The following CDH4 variants were observed in gnomAD, a reference collection of about 807,000 sequenced individuals.
The protein encoded by CDH4 is cadherin 4.
CDH4 carries 33 observed loss-of-function variants against 86.0 expected under a neutral mutation model. That is an observed-to-expected ratio of 0.38 (90% confidence interval 0.29 to 0.51). The LOEUF (loss-of-function observed/expected upper bound fraction) is 0.51, where lower values mean the gene tolerates loss of function less well. Ranked by LOEUF, CDH4 falls within the 20% of genes least tolerant of loss-of-function variation. The pLI, the probability that CDH4 is intolerant of heterozygous loss-of-function variation, is 0.86. For synonymous variants in CDH4, 555 were observed against 549.4 expected (o/e 1.01, Z -0.14); for missense variants, 1,114 against 1,307.4 (o/e 0.85, Z 2.28).
At chr20:61,633,215 CTTCA>C (rs1211484054) in intron 2 of CDH4, among the ~76,000 whole-genome samples, 7 of 150,888 alleles carry the variant, frequency 4.6e-5, no homozygotes, top group Admixed American at 1.3e-4. Context: ...CCTTCCATCT[CTTCA>C]TTCATTCATT....
chr20:61,452,838 A>C (rs1011272014), intron 2 of CDH4, among the ~76,000 whole-genome samples: 1 of 152,200 alleles, frequency 6.6e-6, no homozygotes, highest in Non-Finnish European at 1.5e-5. Context: ...AGTGAGACAA[A>C]AACAGAAAAC....
intron 2 of CDH4, among the ~76,000 whole-genome samples, chr20:61,528,325 C>G (rs1234786506): frequency 6.9e-6 from 1 of 145,416 alleles, no homozygotes; most frequent in Non-Finnish European, 1.5e-5. Context: ...TGCAGTGAGC[C>G]GAGATCATGC....
intron 2 of CDH4, among the ~76,000 whole-genome samples, chr20:61,289,707 C>G (rs1330926461): frequency 6.7e-6 from 1 of 149,916 alleles, no homozygotes; most frequent in Non-Finnish European, 1.5e-5. Context: ...TCCAACGAGA[C>G]TTGCTGGGTT....
chr20:61,556,884 C>T (rs868465846), intron 2 of CDH4, among the ~76,000 whole-genome samples: 14 of 152,168 alleles, frequency 9.2e-5, no homozygotes, highest in East Asian at 5.8e-4. Context: ...ACCGAGAACA[C>T]GTGAGGCGCC....
chr20:61,413,392 T>C (rs1045323421), intron 2 of CDH4, among the ~76,000 whole-genome samples: 3 of 152,172 alleles, frequency 2.0e-5, no homozygotes, highest in African/African-American at 7.2e-5. Flanking sequence ...GTTCCAAGGC[T>C]GCGTGAGTGG....
intron 5 of CDH4, among the ~76,000 whole-genome samples, chr20:61,847,324 G>A (rs763021191): frequency 2.0e-5 from 3 of 152,226 alleles, no homozygotes; most frequent in Non-Finnish European, 4.4e-5. Context: ...ACCCAGCCTG[G>A]GAGTTCTGCC....
At chr20:61,852,025 G>A (rs912382885) in intron 5 of CDH4, among the ~76,000 whole-genome samples, 3 of 152,222 alleles carry the variant, frequency 2.0e-5, no homozygotes, top group Non-Finnish European at 2.9e-5. Flanking sequence ...AGCTCCTGCG[G>A]AACCTTCCAG....
intron 2 of CDH4, among the ~76,000 whole-genome samples, chr20:61,614,331 T>G (rs2145763942): frequency 6.6e-6 from 1 of 152,232 alleles, no homozygotes; most frequent in African/African-American, 2.4e-5. Context: ...GATACAGAGC[T>G]TTCAGGCTGT....
Position 61,902,129 on chromosome 20 carries a change from G to C in CDH4, c.1188+7082G>C, listed in dbSNP as rs959214601. Among the ~76,000 whole-genome samples the C allele has an allele frequency of 2.0e-5, 3 of 152,210 alleles. No individual in the cohort carries two copies. The highest frequency in any genetic ancestry group is 2.9e-5 in the Non-Finnish European group (2 of 68,044). On this transcript the variant is annotated intron_variant, in intron 8 of 15. Coordinates refer to ENST00000614565, the MANE Select transcript of CDH4 (RefSeq NM_001794.5). This position sits in a 1 kb window ranked among gnomAD's most constrained non-coding sequence, Gnocchi z 4.6. ...AGCAACTGATGGAAATTCAAACCATGACGTGTTCAGTCCTTGGAGTTCCAG... is the reference window on the plus strand; with the variant it reads ...AGCAACTGATGGAAATTCAAACCATCACGTGTTCAGTCCTTGGAGTTCCAG...
At chr20:61,774,978 A>G (rs1226473609) in intron 4 of CDH4, among the ~76,000 whole-genome samples, 5 of 152,188 alleles carry the variant, frequency 3.3e-5, no homozygotes, top group Admixed American at 6.5e-5. Context: ...TAGCGCTGCA[A>G]TGACCATACA....
chr20:61,624,325 T>C lies in CDH4; in HGVS notation c.170-119238T>C, dbSNP rs1345289286. 4.6e-5 allele frequency among the ~76,000 whole-genome samples: 7 copies of C among 152,204 alleles called. No homozygotes were observed. In the South Asian group the frequency reaches 8.3e-4, roughly 18 times the overall value. On this transcript the variant is annotated intron_variant, in intron 2 of 15. Transcript: ENST00000614565. Reference sequence around the variant, plus strand: ...TTCCCACAAGTCATCCTGAAAGCCATAGCAATGACTGTTGGACCCAAGGTA... The same window carrying C: ...TTCCCACAAGTCATCCTGAAAGCCACAGCAATGACTGTTGGACCCAAGGTA...
At chr20:61,742,706 A>C (rs1020570254) in intron 2 of CDH4, among the ~76,000 whole-genome samples, 1 of 152,230 alleles carries the variant, frequency 6.6e-6, no homozygotes, top group African/African-American at 2.4e-5. Flanking sequence ...GCAAAAGCAC[A>C]CGTCTAAAAA....
chr20:61,717,506 G>A (rs8116341), intron 2 of CDH4: 14,724 of 152,028 alleles, frequency 0.097, 999 homozygotes, highest in South Asian at 0.32. Flanking sequence ...TTGTTTTTTT[G>A]AGATGGAGTC....
chr20:61,438,192 G>A (rs2085295738), intron 2 of CDH4, among the ~76,000 whole-genome samples: 2 of 152,176 alleles, frequency 1.3e-5, no homozygotes, highest in African/African-American at 4.8e-5. Flanking sequence ...AATTTTTCCA[G>A]TGATGCCTTT....
rs572328811 is a variant in CDH4 at position 61,812,722 on chromosome 20, G to A, written c.577-31946G>A. Among the ~76,000 whole-genome samples the A allele has an allele frequency of 5.3e-5, 8 of 152,312 alleles. No individual in the cohort carries two copies. The South Asian group carries it at 1.7e-3, about 32-fold the overall frequency. On this transcript the variant is annotated intron_variant, in intron 4 of 15. Coordinates refer to ENST00000614565, the MANE Select transcript of CDH4 (RefSeq NM_001794.5). ...CTTTGGGGATAATACGGGGAGTTGG[G>A]GCTTGGATGTGTGCATTTTCCACGA...
intron 7 of CDH4, among the ~76,000 whole-genome samples, chr20:61,892,664 C>A (rs1276680242): frequency 6.6e-6 from 1 of 152,196 alleles, no homozygotes; most frequent in Non-Finnish European, 1.5e-5. Context: ...TGCCAGGGAG[C>A]TTTTGCTGCA....
At chr20:61,680,334 C>T (rs528136183) in intron 2 of CDH4, among the ~76,000 whole-genome samples, 113 of 152,338 alleles carry the variant, frequency 7.4e-4, no homozygotes, top group Non-Finnish European at 1.1e-3. Context: ...GGCTGAGGGG[C>T]GCTGGGCTGG....
chr20:61,763,147 C>T (rs2088657729), intron 3 of CDH4, among the ~76,000 whole-genome samples: 2 of 152,186 alleles, frequency 1.3e-5, no homozygotes, highest in Admixed American at 6.5e-5. Flanking sequence ...TCGGGGCTGC[C>T]GGCTTCCCTT....
intron 3 of CDH4, among the ~76,000 whole-genome samples, chr20:61,767,109 GA>G (rs1473720621): frequency 6.6e-6 from 1 of 152,216 alleles, no homozygotes; most frequent in Non-Finnish European, 1.5e-5. Context: ...CTGTGTCTGG[GA>G]AGTCACTTGG....
Sources: gnomAD v4.1 joint callset for allele counts (sites outside exome capture counted in the v4.1 genomes callset) on GRCh38, gnomAD v4.1.1 for gene constraint, Gnocchi (gnomAD v3.1) non-coding constraint, MANE v1.5 for transcripts, NCBI Gene and HGNC (gene_info 2026-07-23, HGNC 2026-07-21) for gene names.